Variants in TECRL observed in about 807,000 individuals in gnomAD.
TECRL encodes the protein trans-2,3-enoyl-CoA reductase-like.
A neutral mutation model predicts 52.8 loss-of-function variants in TECRL; 63 were observed. That is an observed-to-expected ratio of 1.19 (90% CI 0.97 to 1.47). TECRL has a LOEUF of 1.47. Among genes scored for constraint, TECRL ranks in the 40% most tolerant of loss-of-function variants. The pLI, the probability that TECRL is intolerant of heterozygous loss-of-function variation, is 0.00. For missense variants in TECRL, 482 were observed against 429.6 expected, an observed-to-expected ratio of 1.12 and a Z score of -1.08; for synonymous variants, 164 against 141.9, an observed-to-expected ratio of 1.16 and a Z score of -1.10.
At chr4:64,294,494 A>G (rs1235511946) in intron 8 of TECRL, among the ~76,000 whole-genome samples, 1 of 152,148 alleles carries the variant, frequency 6.6e-6, no homozygotes, top group African/African-American at 2.4e-5. Flanking sequence ...ATAGCTAGAC[A>G]TCAAAATATG....
At chr4:64,362,769 C>T (rs543797780) in intron 2 of TECRL, among the ~76,000 whole-genome samples, 1 of 152,150 alleles carries the variant, frequency 6.6e-6, no homozygotes, top group South Asian at 2.1e-4. Context: ...AGTACATTGA[C>T]TCTAAAAACA....
intron 2 of TECRL, among the ~76,000 whole-genome samples, chr4:64,365,113 C>A (rs1721500646): frequency 6.6e-6 from 1 of 151,620 alleles, no homozygotes. Context: ...TCAATAAATG[C>A]AATTTATCAT....
At chr4:64,338,032 T>C (rs1356772761) in intron 2 of TECRL, among the ~76,000 whole-genome samples, 1 of 152,042 alleles carries the variant, frequency 6.6e-6, no homozygotes, top group Non-Finnish European at 1.5e-5. Context: ...CTTCAAACAA[T>C]ACTATAAGGC....
chr4:64,303,129 A>G (rs1340977627), intron 7 of TECRL, among the ~76,000 whole-genome samples: 1 of 151,570 alleles, frequency 6.6e-6, no homozygotes, highest in Non-Finnish European at 1.5e-5. Flanking sequence ...TCTATTAATT[A>G]TAATCAAAGT....
intron 2 of TECRL, among the ~76,000 whole-genome samples, chr4:64,372,023 G>C (rs1176647236): frequency 6.6e-6 from 1 of 151,672 alleles, no homozygotes; most frequent in Non-Finnish European, 1.5e-5. Flanking sequence ...CACAGTTTTG[G>C]TCAGAGTGTC....
chr4:64,355,803 A>AAAAAG (rs1720731383), intron 2 of TECRL, among the ~76,000 whole-genome samples: 1 of 80,420 alleles, frequency 1.2e-5, no homozygotes, highest in Non-Finnish European at 3.5e-5. Context: ...TCAAAAAAAA[A>AAAAAG]AAAGAATAAG....
intron 2 of TECRL, among the ~76,000 whole-genome samples, chr4:64,362,856 C>T (rs1270196045): frequency 6.6e-6 from 1 of 151,794 alleles, no homozygotes; most frequent in African/African-American, 2.4e-5. Flanking sequence ...CTATATTAAC[C>T]TCAATGTAAA....
intron 2 of TECRL, among the ~76,000 whole-genome samples, chr4:64,332,163 G>C (rs1400416272): frequency 6.6e-6 from 1 of 152,182 alleles, no homozygotes; most frequent in Non-Finnish European, 1.5e-5. Context: ...AAGAAGCTAA[G>C]AGGCGAGGAA....
rs546907857 is a variant in TECRL at position 64,299,610 on chromosome 4, T to A, written c.774+364A>T. ...CTGAGTTCATCTTGAATTAGTTAAA[T>A]TAACAATTATGCCAAAGTGTTTTTG... On this transcript the variant is annotated intron_variant, in intron 8 of 11. Coordinates refer to ENST00000381210, the MANE Select transcript of TECRL (RefSeq NM_001010874.5). Among the ~76,000 whole-genome samples, 27 of 151,260 alleles carry A rather than the reference T, an allele frequency of 1.8e-4. No individual in the cohort carries two copies. The South Asian group carries it at 5.4e-3, about 30-fold the overall frequency.
At chr4:64,311,335 G>C (rs1716987459) in intron 5 of TECRL, among the ~76,000 whole-genome samples, 1 of 152,130 alleles carries the variant, frequency 6.6e-6, no homozygotes, top group Non-Finnish European at 1.5e-5. Context: ...AAAAAGGTGA[G>C]AGAGCAAGCA....
chr4:64,385,060 C>T (rs554043954), intron 1 of TECRL, among the ~76,000 whole-genome samples: 2 of 152,250 alleles, frequency 1.3e-5, no homozygotes, highest in African/African-American at 4.8e-5. Context: ...GTCAGGTTTT[C>T]CTGATGGTAT....
chr4:64,387,108 T>G (rs1373088110), intron 1 of TECRL, among the ~76,000 whole-genome samples: 1 of 152,196 alleles, frequency 6.6e-6, no homozygotes, highest in Non-Finnish European at 1.5e-5. Context: ...CAACCACTAA[T>G]CTTTTAGCTG....
intron 6 of TECRL, among the ~76,000 whole-genome samples, chr4:64,306,981 A>T (rs964218586): frequency 2.6e-5 from 4 of 152,170 alleles, no homozygotes; most frequent in Non-Finnish European, 5.9e-5. Flanking sequence ...GGAGAGCTCT[A>T]TAGGTCCTAT....
chr4:64,329,725 A>T (rs887341199), intron 2 of TECRL, among the ~76,000 whole-genome samples: 30 of 151,896 alleles, frequency 2.0e-4, no homozygotes, highest in African/African-American at 7.0e-4. Context: ...TTATTTGGTT[A>T]AAAATTATAT....
intron 2 of TECRL, among the ~76,000 whole-genome samples, chr4:64,368,528 T>A (rs1721768934): frequency 6.6e-6 from 1 of 152,076 alleles, no homozygotes; most frequent in Admixed American, 6.6e-5. Context: ...ACTCCTGACC[T>A]CATGATCCGC....
intron 2 of TECRL, among the ~76,000 whole-genome samples, chr4:64,364,317 C>T (rs1424671865): frequency 1.3e-5 from 2 of 151,948 alleles, no homozygotes; most frequent in Non-Finnish European, 1.5e-5. Flanking sequence ...TTGGTAAGCT[C>T]TCATATTAAC....
chr4:64,379,767 G>A (rs1215334566), intron 1 of TECRL, among the ~76,000 whole-genome samples: 1 of 151,960 alleles, frequency 6.6e-6, no homozygotes, highest in Non-Finnish European at 1.5e-5. Flanking sequence ...AATGCCTGGC[G>A]TTTTTCAGTT....
At chr4:64,337,111 T>A (rs1026684277) in intron 2 of TECRL, among the ~76,000 whole-genome samples, 23 of 151,966 alleles carry the variant, frequency 1.5e-4, no homozygotes, top group African/African-American at 5.6e-4. Flanking sequence ...AGTGGGGTGT[T>A]AAAGTCTCCC....
At chr4:64,291,893 G>A (rs908433521) in intron 8 of TECRL, among the ~76,000 whole-genome samples, 5 of 151,974 alleles carry the variant, frequency 3.3e-5, no homozygotes, top group Admixed American at 3.3e-4. Context: ...TGCTTACATG[G>A]TAAGAGTGGG....
Sources: allele counts gnomAD v4.1 joint callset (sites outside exome capture counted in the v4.1 genomes callset), GRCh38; gene constraint gnomAD v4.1.1; transcripts MANE v1.5; gene names NCBI Gene and HGNC (gene_info 2026-07-23, HGNC 2026-07-21).